ST7L: variants seen among roughly 807,000 people sequenced by gnomAD.
ST7L encodes the protein suppressor of tumorigenicity 7 protein-like.
ST7L carries 57 observed loss-of-function variants against 72.5 expected under a neutral mutation model. The ratio of observed to expected loss-of-function variants is 0.79; its 90% CI spans 0.64 to 0.98. ST7L has a LOEUF of 0.98. Ranked by LOEUF, ST7L falls within the 50% of genes least tolerant of loss-of-function variation. The probability of loss-of-function intolerance (pLI) is 0.00; values close to 1 mark genes in which losing one functional copy is unlikely to be tolerated. For missense variants in ST7L, 576 were observed against 672.2 expected, an observed-to-expected ratio of 0.86 and a Z score of 1.58; for synonymous variants, 221 against 240.9, an observed-to-expected ratio of 0.92 and a Z score of 0.77.
chr1:112,585,737 A>G (rs2101905095), intron 6 of ST7L, among the ~76,000 whole-genome samples: 1 of 152,192 alleles, frequency 6.6e-6, no homozygotes, highest in African/African-American at 2.4e-5. Context: ...CGTCTCAAAA[A>G]AAAAAAAAAA....
At chr1:112,595,370 GAAAAAAAA>G (rs67553307) in intron 5 of ST7L, among the ~76,000 whole-genome samples, 13 of 52,022 alleles carry the variant, frequency 2.5e-4, no homozygotes, top group African/African-American at 4.6e-4. Flanking sequence ...GGTCTCAAAA[GAAAAAAAA>G]AAAAAAAAAA....
chr1:112,589,448 A>G (rs779008590), intron 6 of ST7L, among the ~76,000 whole-genome samples: 1 of 151,914 alleles, frequency 6.6e-6, no homozygotes, highest in Non-Finnish European at 1.5e-5. Context: ...ATGCCTTGTA[A>G]TTTTTTGTTG....
At chr1:112,617,872 C>A in intron 1 of ST7L, 1 of 574,054 alleles carries the variant, frequency 1.7e-6, no homozygotes, top group Non-Finnish European at 2.7e-6. Flanking sequence ...TAGAAACCAC[C>A]GTTAAGCACT....
At chr1:112,557,648 G>A (rs1451736727) in intron 11 of ST7L, among the ~76,000 whole-genome samples, 2 of 152,122 alleles carry the variant, frequency 1.3e-5, no homozygotes, top group Non-Finnish European at 2.9e-5. Flanking sequence ...TCTATGTTTA[G>A]GAAGTATTAT....
At position 112,525,718 on chromosome 1, in the gene ST7L, G is replaced by A. The variant is rs566284296; in HGVS notation, c.*295C>T. The A allele has an allele frequency of 4.0e-5, 10 of 251,536 alleles. No homozygotes were observed. The highest frequency in any genetic ancestry group is 1.5e-4 in the African/African-American group (7 of 45,590). 15.6% of individuals were successfully genotyped at this position (251,536 alleles called of 1,614,324 possible). A position where few individuals can be genotyped will look rare whatever the true frequency, so the allele number is the denominator to read the frequency against. The stretch of plus-strand genomic sequence containing the variant: ...TCTTTGACCAAAGGAGCCAAAATGC[G>A]GTGACTTGACTTCAACCCCAACAGC... On this transcript the variant is annotated 3_prime_UTR_variant, in exon 15 of 15. Transcript: ENST00000358039.
chr1:112,524,194 C>T lies in ST7L; in HGVS notation c.*1819G>A, dbSNP rs1409293862. 1 of 152,522 alleles carries T rather than the reference C, an allele frequency of 6.6e-6. No homozygotes were observed. Among genetic ancestry groups the T allele is most frequent in the East Asian group, 1.9e-4 (1 of 5,198 alleles). The allele number at this position is 152,522 out of a possible 1,614,324, so 9.4% of individuals were successfully genotyped here. A position where few individuals can be genotyped will look rare whatever the true frequency, so the allele number is the denominator to read the frequency against. ...CCAACCAGTAAGTCTTTGCCAAATT[C>T]TCAGACCCACTCAGGACACGAGTCT... On this transcript the variant is annotated 3_prime_UTR_variant, in exon 15 of 15. Transcript: ENST00000358039.
At chr1:112,616,157 C>T (rs1230917499) in intron 2 of ST7L, among the ~76,000 whole-genome samples, 5 of 152,110 alleles carry the variant, frequency 3.3e-5, no homozygotes. Flanking sequence ...TCCAGGCTAC[C>T]CAGTCCTCAA....
intron 11 of ST7L, among the ~76,000 whole-genome samples, chr1:112,572,711 AT>A (rs143215613): frequency 2.0e-5 from 3 of 151,158 alleles, no homozygotes; most frequent in Non-Finnish European, 4.4e-5. Flanking sequence ...TCCTGTCTCT[AT>A]TTTTTTTTAA....
At chr1:112,552,647 G>A (rs1283234258) in intron 12 of ST7L, among the ~76,000 whole-genome samples, 41 of 152,036 alleles carry the variant, frequency 2.7e-4, no homozygotes, top group African/African-American at 1.2e-4. Flanking sequence ...CAGGTGATCC[G>A]CCCACCTCAG....
At chr1:112,603,613 G>C (rs1667766382) in intron 3 of ST7L, among the ~76,000 whole-genome samples, 1 of 152,176 alleles carries the variant, frequency 6.6e-6, no homozygotes, top group Admixed American at 6.5e-5. Flanking sequence ...ACTTTTTCTT[G>C]TTGTGGGAAA....
intron 12 of ST7L, among the ~76,000 whole-genome samples, chr1:112,552,618 G>A (rs1166892359): frequency 6.6e-6 from 1 of 152,080 alleles, no homozygotes; most frequent in Non-Finnish European, 1.5e-5. Flanking sequence ...TGGTCAGGCT[G>A]GTTTCGAACT....
chr1:112,584,367 A>C (rs1410907760), intron 6 of ST7L, among the ~76,000 whole-genome samples: 1 of 151,854 alleles, frequency 6.6e-6, no homozygotes, highest in Non-Finnish European at 1.5e-5. Flanking sequence ...AAAAAAAAAA[A>C]CAAAATTTTT....
At chr1:112,599,073 AATATATATATATATATAT>A (rs71084479) in intron 4 of ST7L, among the ~76,000 whole-genome samples, 1 of 56,994 alleles carries the variant, frequency 1.8e-5, no homozygotes, top group East Asian at 9.3e-4. Context: ...AAAAAAAAAA[AATATATATATATATATAT>A]ATATATATAT....
In ST7L at chr1:112,539,896, C is replaced by G. The variant is rs1257486809; in HGVS notation, c.1629+2055G>C. ...TTAGGCACATTCTTAACACTATATA[C>G]CATCACCTATACAGATACCAAAATA... On this transcript the variant is annotated intron_variant, in intron 14 of 14. Transcript: ENST00000358039. The G allele has an allele frequency of 4.1e-6, 4 of 985,068 alleles. No homozygotes were observed. The East Asian group carries it at 4.5e-4, about 112-fold the overall frequency. The allele number at this position is 985,068 out of a possible 1,614,324, so 61.0% of individuals were successfully genotyped here. A position where few individuals can be genotyped will look rare whatever the true frequency, so the allele number is the denominator to read the frequency against.
chr1:112,581,139 T>C (rs1664044578), intron 9 of ST7L, among the ~76,000 whole-genome samples: 1 of 152,198 alleles, frequency 6.6e-6, no homozygotes, highest in Non-Finnish European at 1.5e-5. Flanking sequence ...ATAACGATCA[T>C]ATTATCATTG....
In ST7L at chr1:112,597,986, G is replaced by A. The variant is rs767971692; in HGVS notation, c.607C>T (p.Arg203Cys). The A allele has an allele frequency of 2.6e-5, 42 of 1,612,166 alleles. No homozygotes were observed. Among genetic ancestry groups the A allele is most frequent in the African/African-American group, 8.0e-5 (6 of 74,966 alleles). Residue 203 changes from arginine (R) to cysteine (C), a missense_variant, in exon 5 of 15, where the codon CGT becomes TGT. Coordinates refer to ENST00000358039, the MANE Select transcript of ST7L (RefSeq NM_017744.5). The stretch of plus-strand genomic sequence containing the variant: ...TGATACATACCTGTGTCTGAAGGAC[G>A]TAAAAAATCTGTGTCACAGGTGAAA... ...TFFTCDTDFL[R>C]PSDTVMQKAW...
chr1:112,619,425 GA>G (rs1670482993), upstream of ST7L: 6 of 548,542 alleles, frequency 1.1e-5, no homozygotes, highest in Non-Finnish European at 1.9e-5. Flanking sequence ...CCCGGGGTTG[GA>G]AAAGCCACCG....
chr1:112,555,011 T>C (rs10857964), intron 12 of ST7L, among the ~76,000 whole-genome samples: 29,256 of 152,064 alleles, frequency 0.19, 3,571 homozygotes, highest in East Asian at 0.46. Context: ...TTAATGGGTA[T>C]AGAATTTCAG....
chr1:112,587,482 A>C (rs1665035797), intron 6 of ST7L, among the ~76,000 whole-genome samples: 1 of 152,178 alleles, frequency 6.6e-6, no homozygotes, highest in African/African-American at 2.4e-5. Flanking sequence ...ACGTGCCTGT[A>C]TTCCCAGCTA....
Sources: gnomAD v4.1 joint callset for allele counts (sites outside exome capture counted in the v4.1 genomes callset) on GRCh38, gnomAD v4.1.1 for gene constraint, MANE v1.5 for transcripts, NCBI Gene and HGNC (gene_info 2026-07-23, HGNC 2026-07-21) for gene names.